The following CSMD2 variants were observed in gnomAD, a reference collection of about 807,000 sequenced individuals.
CSMD2 encodes the protein CUB and sushi domain-containing protein 2.
A neutral mutation model predicts 398.5 loss-of-function variants in CSMD2; 130 were observed. The ratio of observed to expected loss-of-function variants is 0.33; its 90% CI spans 0.28 to 0.38. The LOEUF (loss-of-function observed/expected upper bound fraction) is 0.38, where lower values mean the gene tolerates loss of function less well. CSMD2 is among the 10% of genes least tolerant of loss of function. CSMD2 has a pLI of 1.00. For missense variants in CSMD2, 3,829 were observed against 4,764.9 expected, an observed-to-expected ratio of 0.80 and a Z score of 5.78; for synonymous variants, 1,828 against 1,908.5, an observed-to-expected ratio of 0.96 and a Z score of 1.10.
intron 3 of CSMD2, among the ~76,000 whole-genome samples, chr1:34,019,753 C>T (rs573393591): frequency 5.9e-5 from 9 of 152,236 alleles, no homozygotes; most frequent in East Asian, 1.9e-4. Context: ...GAGTAAGGCC[C>T]GAACTCCTTC....
At chr1:33,534,590 T>C (rs1655584693) in intron 62 of CSMD2, among the ~76,000 whole-genome samples, 2 of 152,164 alleles carry the variant, frequency 1.3e-5, no homozygotes, top group Non-Finnish European at 2.9e-5. Flanking sequence ...CTTGGTGTAA[T>C]GCGGCTAGAT....
chr1:34,129,198 C>T (rs1224149569), intron 1 of CSMD2, among the ~76,000 whole-genome samples: 1 of 152,194 alleles, frequency 6.6e-6, no homozygotes, highest in Non-Finnish European at 1.5e-5. Context: ...GTCCCTTCCA[C>T]CTGATGTTGT....
At chr1:33,597,148 T>C (rs1209719349) in intron 44 of CSMD2, among the ~76,000 whole-genome samples, 1 of 152,226 alleles carries the variant, frequency 6.6e-6, no homozygotes, top group Non-Finnish European at 1.5e-5. Context: ...CTTAAGGTAT[T>C]TTTCCTTTTT....
At chr1:34,150,664 G>A (rs922350685) in intron 1 of CSMD2, among the ~76,000 whole-genome samples, 17 of 152,092 alleles carry the variant, frequency 1.1e-4, no homozygotes, top group Admixed American at 1.1e-3. Flanking sequence ...TGTAATCCTG[G>A]CCCTTTGGGA....
At chr1:33,900,650 G>A (rs1209894185) in intron 5 of CSMD2, among the ~76,000 whole-genome samples, 1 of 152,074 alleles carries the variant, frequency 6.6e-6, no homozygotes, top group Non-Finnish European at 1.5e-5. Context: ...GTGGTGGCAG[G>A]CACTTGTAAT....
intron 66 of CSMD2, 77 bp from the exon 67 acceptor site, chr1:33,523,496 G>A (rs560050966): frequency 4.7e-5 from 32 of 687,468 alleles, no homozygotes; most frequent in African/African-American, 3.8e-4. Flanking sequence ...GTTTGTGGGT[G>A]TAAGTTTCTG....
chr1:33,834,348 A>C (rs1210469293), intron 6 of CSMD2, among the ~76,000 whole-genome samples: 1 of 82,098 alleles, frequency 1.2e-5, no homozygotes, highest in Non-Finnish European at 2.1e-5. Flanking sequence ...ATAACGCCGC[A>C]TATCTACAAC....
intron 2 of CSMD2, among the ~76,000 whole-genome samples, chr1:34,035,738 CAA>C (rs149807105): frequency 1.7e-5 from 2 of 119,894 alleles, no homozygotes; most frequent in Admixed American, 8.1e-5. Context: ...AGAACATCTA[CAA>C]AAAAAAAAAA....
intron 2 of CSMD2, among the ~76,000 whole-genome samples, chr1:34,070,596 T>G (rs1314491990): frequency 6.6e-6 from 1 of 152,176 alleles, no homozygotes; most frequent in Non-Finnish European, 1.5e-5. Context: ...CAAACGGAAT[T>G]GAGAGGAGTA....
chr1:33,852,705 A>C (rs904974316), intron 5 of CSMD2, among the ~76,000 whole-genome samples: 17 of 152,248 alleles, frequency 1.1e-4, no homozygotes, highest in Admixed American at 3.3e-4. Context: ...GGGAGCTGGA[A>C]TAAAATCTTC....
intron 37 of CSMD2, among the ~76,000 whole-genome samples, chr1:33,620,286 A>G (rs889706111): frequency 7.2e-5 from 11 of 152,374 alleles, no homozygotes; most frequent in Non-Finnish European, 1.6e-4. Context: ...TTGCCTGTAC[A>G]ATAGCAGTTA....
intron 4 of CSMD2, among the ~76,000 whole-genome samples, chr1:33,929,432 C>G: frequency 9.9e-6 from 1 of 100,666 alleles, no homozygotes; most frequent in South Asian, 3.5e-4. Context: ...CAAGCCTATA[C>G]TTTTTTTTTT....
chr1:33,655,813 G>A (rs1279125830), intron 27 of CSMD2, among the ~76,000 whole-genome samples: 1 of 152,208 alleles, frequency 6.6e-6, no homozygotes, highest in Non-Finnish European at 1.5e-5. Flanking sequence ...TTATTCTGTT[G>A]CCTGAGGAAC....
At chr1:33,579,141 C>T (rs967606907) in intron 48 of CSMD2, among the ~76,000 whole-genome samples, 17 of 152,198 alleles carry the variant, frequency 1.1e-4, no homozygotes, top group African/African-American at 3.9e-4. Flanking sequence ...CACGTTAGAA[C>T]ATCAAGGAAA....
At chr1:34,045,092 G>A (rs1652361256) in intron 2 of CSMD2, among the ~76,000 whole-genome samples, 1 of 150,430 alleles carries the variant, frequency 6.6e-6, no homozygotes, top group Admixed American at 6.6e-5. Context: ...TACAAACACA[G>A]GTTTTCACTG....
At chr1:33,827,408 C>T (rs1331289034) in intron 6 of CSMD2, among the ~76,000 whole-genome samples, 1 of 152,206 alleles carries the variant, frequency 6.6e-6, no homozygotes, top group Non-Finnish European at 1.5e-5. Flanking sequence ...CTTCAGCCTG[C>T]CAATTCCCCA....
intron 51 of CSMD2, among the ~76,000 whole-genome samples, chr1:33,570,402 G>A (rs1659492789): frequency 6.7e-6 from 1 of 149,138 alleles, no homozygotes; most frequent in Non-Finnish European, 1.5e-5. Flanking sequence ...TCGAACTCCT[G>A]ACCTCAAGTG....
rs1641896923 is a variant in CSMD2 at position 33,623,360 on chromosome 1, C to G, written c.5722+10G>C. The G allele has an allele frequency of 6.2e-7, 1 of 1,610,776 alleles. No homozygotes were observed. The highest frequency in any genetic ancestry group is 1.3e-5 in the African/African-American group (1 of 74,820). ...CCCTCCAAATTGAAGCCCCTGGAAA[C>G]CCAGCTTACCTGAGAAACTCCCCAG... On this transcript the variant is annotated intron_variant, in intron 36 of 70. Coordinates refer to ENST00000373381, the MANE Select transcript of CSMD2 (RefSeq NM_001281956.2).
At position 33,600,959 on chromosome 1, in the gene CSMD2, C is replaced by A. The variant is rs771512255; in HGVS notation, c.6762G>T (p.Met2254Ile). ...ATGAACTCTGCACTGTTTTCTTGGC[C>A]ATGCTCCGGGTGAAGACGCCGAGCC... ...APRLGVFTRS[M>I]AKKTVQSSSN... The change falls in exon 44 of 71, where the codon ATG becomes ATT. Residue 2254 changes from methionine (M) to isoleucine (I), a missense_variant. Physicochemically the swap from Met to Ile is conservative, Grantham distance 10. This residue lies in a region of CSMD2 where 723 missense variants were observed against 758.6 expected (regional missense o/e 0.95). Coordinates refer to ENST00000373381, the MANE Select transcript of CSMD2 (RefSeq NM_001281956.2). 6.2e-7 allele frequency: 1 copy of A among 1,614,056 alleles called. No homozygotes were observed. Among genetic ancestry groups the A allele is most frequent in the African/African-American group, 1.3e-5 (1 of 74,912 alleles).
Sources: allele counts gnomAD v4.1 joint callset (sites outside exome capture counted in the v4.1 genomes callset), GRCh38; gene constraint gnomAD v4.1.1; regional missense constraint gnomAD v4.1.1; transcripts MANE v1.5; gene names NCBI Gene and HGNC (gene_info 2026-07-23, HGNC 2026-07-21).